The following PTPRJ variants were observed in gnomAD, a reference collection of about 807,000 sequenced individuals.
The protein encoded by PTPRJ is protein tyrosine phosphatase receptor type J, also known as receptor-type tyrosine-protein phosphatase eta.
PTPRJ carries 129 observed loss-of-function variants against 141.3 expected under a neutral mutation model. The ratio of observed to expected loss-of-function variants is 0.91; its 90% CI spans 0.79 to 1.06. PTPRJ has a LOEUF of 1.06. PTPRJ is among the 50% of genes least tolerant of loss of function. PTPRJ has a pLI of 0.00. For missense variants in PTPRJ, 1,601 were observed against 1,679.7 expected, an observed-to-expected ratio of 0.95 and a Z score of 0.82; for synonymous variants, 610 against 640.5, an observed-to-expected ratio of 0.95 and a Z score of 0.72.
At chr11:48,065,160 A>G (rs1431997223) in intron 1 of PTPRJ, among the ~76,000 whole-genome samples, 2 of 151,538 alleles carry the variant, frequency 1.3e-5, no homozygotes, top group Non-Finnish European at 2.9e-5. Context: ...GACTACAGGC[A>G]TGCACCACCA....
At position 47,980,957 on chromosome 11, in the gene PTPRJ, C is replaced by T; in HGVS notation, c.45C>T (p.Pro15=). The stretch of plus-strand genomic sequence containing the variant: ...AGGCGCGGCTGCCTCCGCGCTCGCC[C>T]GGGCTGCGCTGGGCGCTGCCGCTGC... ...AREARLPPRS[P]GLRWALPLLL... Residue 15 remains proline (P), a synonymous_variant, in exon 1 of 25, where the codon CCC becomes CCT. Transcript: ENST00000418331. The T allele has an allele frequency of 1.7e-6, 2 of 1,144,900 alleles. No individual in the cohort carries two copies. Among genetic ancestry groups the T allele is most frequent in the Non-Finnish European group, 1.1e-6 (1 of 934,258 alleles). 70.9% of individuals were successfully genotyped at this position (1,144,900 alleles called of 1,614,324 possible).
At chr11:48,101,507 G>A (rs1856147733) in intron 1 of PTPRJ, among the ~76,000 whole-genome samples, 1 of 152,232 alleles carries the variant, frequency 6.6e-6, no homozygotes, top group African/African-American at 2.4e-5. Flanking sequence ...TTGGCTTTCT[G>A]GCCAGAGTGT....
intron 3 of PTPRJ, among the ~76,000 whole-genome samples, chr11:48,113,753 T>C (rs2134329032): frequency 6.6e-6 from 1 of 152,364 alleles, no homozygotes; most frequent in East Asian, 1.9e-4. Flanking sequence ...TTGCAGATTC[T>C]ATATGATTTG....
chr11:48,053,635 G>A (rs1854667726), intron 1 of PTPRJ, among the ~76,000 whole-genome samples: 1 of 146,778 alleles, frequency 6.8e-6, no homozygotes, highest in African/African-American at 2.5e-5. Flanking sequence ...GGAGTGCAGT[G>A]GTGTGATCTT....
intron 1 of PTPRJ, among the ~76,000 whole-genome samples, chr11:48,040,673 C>T (rs539793967): frequency 1.3e-5 from 2 of 148,268 alleles, no homozygotes; most frequent in Admixed American, 1.3e-4. Context: ...GCAGTCTCGG[C>T]TTACTGCAAC....
rs753566702 is a variant in PTPRJ, at chr11:48,130,538, A to C, written c.1437A>C (p.Ala479=). Reference sequence around the variant, plus strand: ...GCTTAGCATGGAGCAGCCATGATGCAGAATCATTTCAGATGCATATCACAC... The same window carrying C: ...GCTTAGCATGGAGCAGCCATGATGCCGAATCATTTCAGATGCATATCACAC... ...EIGLAWSSHD[A]ESFQMHITQE... The change falls in exon 8 of 25, where the codon GCA becomes GCC. Residue 479 remains alanine (A), a synonymous_variant. Transcript: ENST00000418331. The C allele has an allele frequency of 6.2e-7, 1 of 1,614,190 alleles. No homozygotes were observed. Among genetic ancestry groups the C allele is most frequent in the South Asian group, 1.1e-5 (1 of 91,080 alleles).
chr11:48,085,113 C>CA (rs1855663831), intron 1 of PTPRJ, among the ~76,000 whole-genome samples: 1 of 152,148 alleles, frequency 6.6e-6, no homozygotes, highest in Non-Finnish European at 1.5e-5. Context: ...CTCCCTTTCT[C>CA]AACTGCATGT....
chr11:48,036,280 G>T (rs1854121383), intron 1 of PTPRJ, among the ~76,000 whole-genome samples: 1 of 152,332 alleles, frequency 6.6e-6, no homozygotes, highest in Admixed American at 6.5e-5. Context: ...CTCCAAGGGA[G>T]TCTGTCCCAG....
intron 1 of PTPRJ, among the ~76,000 whole-genome samples, chr11:48,057,691 G>GAA (rs1310622770): frequency 6.6e-6 from 1 of 152,052 alleles, no homozygotes; most frequent in Admixed American, 6.5e-5. Flanking sequence ...TGGGAGCCTG[G>GAA]AGTTTTGAGG....
chr11:48,123,394 A>G (rs946263444), intron 4 of PTPRJ, among the ~76,000 whole-genome samples: 1 of 152,112 alleles, frequency 6.6e-6, no homozygotes, highest in African/African-American at 2.4e-5. Context: ...CTTCCGTGTT[A>G]TTATTTTCTC....
At chr11:48,123,998 ATT>A in intron 5 of PTPRJ, 128 bp downstream of exon 5, 1 of 1,139,958 alleles carries the variant, frequency 8.8e-7, no homozygotes, top group Non-Finnish European at 1.2e-6. Context: ...TTTCCTCCAC[ATT>A]TTAGTTTGAT....
chr11:48,083,921 G>A (rs1339560223), intron 1 of PTPRJ, among the ~76,000 whole-genome samples: 1 of 152,178 alleles, frequency 6.6e-6, no homozygotes, highest in East Asian at 1.9e-4. Context: ...TAAACTATTT[G>A]TCCTTTCACT....
intron 1 of PTPRJ, among the ~76,000 whole-genome samples, chr11:48,065,784 GAGA>G: frequency 6.6e-6 from 1 of 152,340 alleles, no homozygotes; most frequent in Admixed American, 6.5e-5. Flanking sequence ...ACAGGGTGGA[GAGA>G]AGAAGGCAGA....
intron 1 of PTPRJ, among the ~76,000 whole-genome samples, chr11:48,078,292 A>G (rs11607557): frequency 0.054 from 8,230 of 152,168 alleles, 202 homozygotes; most frequent in Middle Eastern, 0.068. Context: ...TCCTGACCTC[A>G]GGTGATCCAC....
chr11:48,163,150 A>G (rs1857828385), intron 22 of PTPRJ, among the ~76,000 whole-genome samples: 1 of 152,162 alleles, frequency 6.6e-6, no homozygotes, highest in African/African-American at 2.4e-5. Context: ...CAGGAAGGGA[A>G]GGATCTGAAT....
At chr11:48,045,405 A>G (rs1462828508) in intron 1 of PTPRJ, among the ~76,000 whole-genome samples, 1 of 152,190 alleles carries the variant, frequency 6.6e-6, no homozygotes, top group Non-Finnish European at 1.5e-5. Flanking sequence ...GATCAGAGAC[A>G]TCCTTCAAGA....
At chr11:48,160,292 A>G (rs1857734631) in intron 22 of PTPRJ, among the ~76,000 whole-genome samples, 1 of 152,370 alleles carries the variant, frequency 6.6e-6, no homozygotes, top group African/African-American at 2.4e-5. Context: ...GAATCTTAAG[A>G]GCATGGCTCT....
intron 3 of PTPRJ, among the ~76,000 whole-genome samples, chr11:48,119,760 G>A (rs1856659595): frequency 6.6e-6 from 1 of 152,152 alleles, no homozygotes; most frequent in African/African-American, 2.4e-5. Context: ...AGCCAGATGA[G>A]GCACACTGTC....
At chr11:47,997,711 A>G (rs1174100102) in intron 1 of PTPRJ, among the ~76,000 whole-genome samples, 2 of 152,176 alleles carry the variant, frequency 1.3e-5, no homozygotes, top group Non-Finnish European at 2.9e-5. Flanking sequence ...TTTACCATTT[A>G]TTAGGAGCTT....
Sources: gnomAD v4.1 joint callset for allele counts (sites outside exome capture counted in the v4.1 genomes callset) on GRCh38, gnomAD v4.1.1 for gene constraint, MANE v1.5 for transcripts, NCBI Gene and HGNC (gene_info 2026-07-23, HGNC 2026-07-21) for gene names.